The following KLHL29 variants were observed in gnomAD, a reference collection of about 807,000 sequenced individuals.
KLHL29 encodes kelch-like protein 29.
Under a neutral mutation model 80.4 loss-of-function variants are expected in KLHL29, and 21 were observed. The ratio of observed to expected loss-of-function variants is 0.26; its 90% CI spans 0.19 to 0.38. The LOEUF is 0.38. Among genes scored for constraint, KLHL29 ranks in the 10% least tolerant of loss-of-function variants. The probability of loss-of-function intolerance (pLI) is 1.00; values close to 1 mark genes in which losing one functional copy is unlikely to be tolerated. For synonymous variants in KLHL29, 511 were observed against 526.8 expected (o/e 0.97, Z 0.41); for missense variants, 867 against 1,223.9 (o/e 0.71, Z 4.35).
intron 3 of KLHL29, among the ~76,000 whole-genome samples, chr2:23,590,656 C>T (rs544797235): frequency 5.3e-5 from 8 of 152,176 alleles, no homozygotes; most frequent in Admixed American, 6.5e-5. Context: ...GATCCATCCC[C>T]GAACTTCAGG....
chr2:23,642,834 C>G lies in KLHL29; in HGVS notation c.924C>G (p.Asp308Glu), dbSNP rs767489913. The change falls in exon 5 of 14, where the codon GAC becomes GAG. Residue 308 changes from aspartate to glutamate, a missense_variant. Asp to Glu is a conservative substitution (Grantham distance 45, BLOSUM62 2). Coordinates refer to ENST00000486442, the MANE Select transcript of KLHL29 (RefSeq NM_052920.2). The part of the protein sequence containing the change: ...TIGVGKYEFT[D>E]PGHPREMLKE... ...GCGTGGGGAAGTATGAGTTCACCGA[C>G]CCGGGGCACCCCAGAGGTAAGTCCT... The G allele has an allele frequency of 6.4e-7, 1 of 1,550,454 alleles. No individual in the cohort carries two copies. Among genetic ancestry groups the G allele is most frequent in the Admixed American group, 2.0e-5 (1 of 51,012 alleles).
At chr2:23,605,786 T>C (rs967018012) in intron 3 of KLHL29, among the ~76,000 whole-genome samples, 23 of 151,972 alleles carry the variant, frequency 1.5e-4, no homozygotes, top group African/African-American at 5.1e-4. Flanking sequence ...TTTTTTTTTT[T>C]TGAGACAGGG....
At chr2:23,504,867 TCTC>T (rs751352776) in intron 2 of KLHL29, among the ~76,000 whole-genome samples, 3 of 152,098 alleles carry the variant, frequency 2.0e-5, no homozygotes, top group Admixed American at 6.5e-5. Context: ...TGCCCAGGCC[TCTC>T]CTCCTCAAAC....
chr2:23,412,309 C>T (rs1375657791), intron 1 of KLHL29, among the ~76,000 whole-genome samples: 1 of 152,094 alleles, frequency 6.6e-6, no homozygotes, highest in Non-Finnish European at 1.5e-5. Flanking sequence ...AAGTTCATGC[C>T]ATTGCTCTGA....
chr2:23,653,797 G>A (rs1024621261), intron 5 of KLHL29, among the ~76,000 whole-genome samples: 1 of 152,004 alleles, frequency 6.6e-6, no homozygotes, highest in African/African-American at 2.4e-5. Flanking sequence ...CACCCTCCAG[G>A]TCTCTACAAA....
chr2:23,652,701 T>C (rs1670118799), intron 5 of KLHL29, among the ~76,000 whole-genome samples: 1 of 152,212 alleles, frequency 6.6e-6, no homozygotes, highest in Admixed American at 6.5e-5. Flanking sequence ...TTTTCTATAA[T>C]AATTGTGGCT....
chr2:23,585,086 C>A (rs1668085145), intron 3 of KLHL29, among the ~76,000 whole-genome samples: 1 of 152,198 alleles, frequency 6.6e-6, no homozygotes, highest in Non-Finnish European at 1.5e-5. Flanking sequence ...GACCGTAGTA[C>A]CAGACCCCAA....
In KLHL29 at chr2:23,565,370, G is replaced by A. The variant is rs554712169; in HGVS notation, c.285+2889G>A. 2.4e-4 allele frequency among the ~76,000 whole-genome samples: 36 copies of A among 152,280 alleles called. 2 individuals are homozygous for A. In the South Asian group the frequency reaches 7.3e-3, roughly 31 times the overall value. On this transcript the variant is annotated intron_variant, in intron 3 of 13. Coordinates refer to ENST00000486442, the MANE Select transcript of KLHL29 (RefSeq NM_052920.2). The stretch of plus-strand genomic sequence containing the variant: ...TGAATCGCCGTGCCCAGCCTGAAAG[G>A]TGTTCCTTTCTAACCTCACCAAGAG...
At chr2:23,693,020 CCTT>C (rs1302032884) in intron 7 of KLHL29, among the ~76,000 whole-genome samples, 1 of 152,132 alleles carries the variant, frequency 6.6e-6, no homozygotes, top group African/African-American at 2.4e-5. Context: ...CAGTCTCGGT[CCTT>C]CTGCCAGGAC....
At chr2:23,616,456 C>T (rs918857017) in intron 3 of KLHL29, 2 of 152,208 alleles carry the variant, frequency 1.3e-5, no homozygotes, top group African/African-American at 2.4e-5. Flanking sequence ...ATGTTGTCCT[C>T]GCCCCGCATC....
intron 1 of KLHL29, among the ~76,000 whole-genome samples, chr2:23,401,178 T>A (rs1003723467): frequency 6.6e-6 from 1 of 152,212 alleles, no homozygotes; most frequent in Admixed American, 6.5e-5. Context: ...CAACTTCAAC[T>A]GTTGCTCTAC....
chr2:23,621,988 A>G (rs1669194285), intron 3 of KLHL29, among the ~76,000 whole-genome samples: 2 of 152,120 alleles, frequency 1.3e-5, no homozygotes, highest in East Asian at 1.9e-4. Flanking sequence ...AGTCTGGTCC[A>G]AAAGGCAGGT....
chr2:23,422,865 G>GT (rs2103403238), intron 1 of KLHL29, among the ~76,000 whole-genome samples: 1 of 152,374 alleles, frequency 6.6e-6, no homozygotes, highest in Non-Finnish European at 1.5e-5. Flanking sequence ...GGATGCCGCT[G>GT]TGCTCCTCCA....
intron 1 of KLHL29, among the ~76,000 whole-genome samples, chr2:23,423,128 G>T (rs972591619): frequency 6.6e-6 from 1 of 152,230 alleles, no homozygotes; most frequent in African/African-American, 2.4e-5. Context: ...GGCGGGCCCC[G>T]CAGGTGGTCC....
chr2:23,539,698 T>G (rs1455117851), intron 2 of KLHL29, among the ~76,000 whole-genome samples: 1 of 152,016 alleles, frequency 6.6e-6, no homozygotes, highest in African/African-American at 2.4e-5. Flanking sequence ...TTCCTCAGTC[T>G]CCCAAAGTGC....
chr2:23,461,269 G>T (rs572823098), intron 1 of KLHL29, among the ~76,000 whole-genome samples: 1 of 152,272 alleles, frequency 6.6e-6, no homozygotes, highest in African/African-American at 2.4e-5. Context: ...GTAACTGCAG[G>T]GCCAGGATGT....
At chr2:23,685,146 G>C (rs1039563745) in intron 6 of KLHL29, 2 of 152,464 alleles carry the variant, frequency 1.3e-5, no homozygotes, top group Non-Finnish European at 2.9e-5. Flanking sequence ...GACCAGGTGT[G>C]TCCTAAACAC....
intron 5 of KLHL29, among the ~76,000 whole-genome samples, chr2:23,657,148 C>T (rs1014867068): frequency 1.3e-5 from 2 of 152,130 alleles, no homozygotes; most frequent in African/African-American, 4.8e-5. Context: ...TGACAAGGCA[C>T]CCCTGCCAGC....
At chr2:23,462,053 C>T (rs1441195699) in intron 1 of KLHL29, among the ~76,000 whole-genome samples, 1 of 150,568 alleles carries the variant, frequency 6.6e-6, no homozygotes, top group Non-Finnish European at 1.5e-5. Flanking sequence ...GTGTTCCTTC[C>T]ACCCATGAGA....
Sources: gnomAD v4.1 joint callset for allele counts (sites outside exome capture counted in the v4.1 genomes callset) on GRCh38, gnomAD v4.1.1 for gene constraint, MANE v1.5 for transcripts, NCBI Gene and HGNC (gene_info 2026-07-23, HGNC 2026-07-21) for gene names.